PSIP1: variants seen among roughly 807,000 people sequenced by gnomAD.
PSIP1 encodes PC4 and SRSF1 interacting protein 1, also known as PC4 and SFRS1-interacting protein.
A neutral mutation model predicts 74.7 loss-of-function variants in PSIP1; 19 were observed. That is an observed-to-expected ratio of 0.25 (90% CI 0.18 to 0.37). The LOEUF (loss-of-function observed/expected upper bound fraction) is 0.37, where lower values mean the gene tolerates loss of function less well. Ranked by LOEUF, PSIP1 falls within the 10% of genes least tolerant of loss-of-function variation. PSIP1 has a pLI of 1.00. For missense variants in PSIP1, 601 were observed against 614.3 expected (o/e 0.98, Z 0.23); for synonymous variants, 222 against 195.3 (o/e 1.14, Z -1.14).
intron 3 of PSIP1, among the ~76,000 whole-genome samples, chr9:15,503,302 G>A (rs996521448): frequency 1.4e-4 from 22 of 152,132 alleles, no homozygotes; most frequent in African/African-American, 2.9e-4. Context: ...CAGAGGTGGA[G>A]GTTGCAATGA....
At chr9:15,467,119 A>G (rs1378022142) in intron 14 of PSIP1, among the ~76,000 whole-genome samples, 1 of 152,182 alleles carries the variant, frequency 6.6e-6, no homozygotes, top group Admixed American at 6.5e-5. Context: ...TTAACTATCT[A>G]TGAGTACAGG....
At chr9:15,509,374 T>C (rs2037744292) in intron 2 of PSIP1, among the ~76,000 whole-genome samples, 1 of 152,190 alleles carries the variant, frequency 6.6e-6, no homozygotes, top group Non-Finnish European at 1.5e-5. Context: ...CGTAGATCTT[T>C]AAACAGTCTC....
rs536153723 is a variant in PSIP1, at chr9:15,488,783, G to A, written c.288+1203C>T. Among the ~76,000 whole-genome samples the A allele has an allele frequency of 7.6e-3, 1,151 of 150,858 alleles. 9 individuals are homozygous for A. Among genetic ancestry groups the A allele is most frequent in the African/African-American group, 0.024 (1,002 of 41,090 alleles). ...AGGCCTGTAATCCCAACACTCTGGG[G>A]GGCCGAGGCGGGCGGATCACAAGGT... On this transcript the variant is annotated intron_variant, in intron 4 of 15. Coordinates refer to ENST00000380733, the MANE Select transcript of PSIP1 (RefSeq NM_033222.5).
At chr9:15,506,388 A>T (rs1046042934) in intron 3 of PSIP1, 173 bp downstream of exon 3, 5 of 442,736 alleles carry the variant, frequency 1.1e-5, no homozygotes, top group Non-Finnish European at 2.0e-5. Context: ...TAAAAAATAA[A>T]CCTATAGCAT....
intron 8 of PSIP1, among the ~76,000 whole-genome samples, chr9:15,478,228 T>C (rs893378125): frequency 6.6e-6 from 1 of 152,014 alleles, no homozygotes; most frequent in African/African-American, 2.4e-5. Context: ...TTATATATTT[T>C]ATGTTGTATT....
At chr9:15,471,063 G>A in intron 10 of PSIP1, 1 of 1,478,850 alleles carries the variant, frequency 6.8e-7, no homozygotes, top group Non-Finnish European at 8.9e-7. Flanking sequence ...TTAGAATCTG[G>A]AACATTCTTC....
At chr9:15,481,733 C>T (rs1442323027) in intron 6 of PSIP1, among the ~76,000 whole-genome samples, 1 of 151,954 alleles carries the variant, frequency 6.6e-6, no homozygotes, top group South Asian at 2.1e-4. Flanking sequence ...AAGGAGGTAC[C>T]AATAAGTGTA....
chr9:15,490,485 C>A (rs543617528), intron 3 of PSIP1, among the ~76,000 whole-genome samples: 2 of 151,918 alleles, frequency 1.3e-5, no homozygotes, highest in Non-Finnish European at 1.5e-5. Flanking sequence ...GAGTTTGAGA[C>A]CAGCCTGGCC....
At chr9:15,476,165 C>T (rs921558341) in intron 8 of PSIP1, among the ~76,000 whole-genome samples, 1 of 151,506 alleles carries the variant, frequency 6.6e-6, no homozygotes, top group African/African-American at 2.4e-5. Context: ...AGCTCACACT[C>T]AGCCTACGCA....
At chr9:15,481,289 G>C (rs978413316) in intron 6 of PSIP1, among the ~76,000 whole-genome samples, 1 of 152,182 alleles carries the variant, frequency 6.6e-6, no homozygotes, top group Admixed American at 6.5e-5. Context: ...GGAGTTAAGA[G>C]GGCATAATTT....
At chr9:15,474,555 A>G (rs1273570961) in intron 8 of PSIP1, among the ~76,000 whole-genome samples, 1 of 152,170 alleles carries the variant, frequency 6.6e-6, no homozygotes, top group Non-Finnish European at 1.5e-5. Context: ...TTAGAACTCA[A>G]ATATTCTTTG....
chr9:15,474,141 ATCT>A lies in PSIP1; in HGVS notation c.723_725del (p.Glu241del), dbSNP rs1563871043. ...TTTTATCCGGCTCTTTTCTTGGCTT[ATCT>A]TCTTCCTTCTGGCCCTCTTCATCCT... On this transcript the variant is annotated inframe_deletion, in exon 9 of 16. Transcript: ENST00000380733. 2 of 1,611,654 alleles carry A rather than the reference ATCT, an allele frequency of 1.2e-6. No individual in the cohort carries two copies. The highest frequency in any genetic ancestry group is 8.5e-7 in the Non-Finnish European group (1 of 1,178,710).
At chr9:15,472,393 C>G in intron 10 of PSIP1, 1 of 1,318,130 alleles carries the variant, frequency 7.6e-7, no homozygotes. Flanking sequence ...ATCCTATCTG[C>G]ACTTCGTTTA....
At chr9:15,468,880 CTAAT>C (rs769850443) in intron 13 of PSIP1, 37 bp from the exon 14 acceptor site, 101 of 1,604,538 alleles carry the variant, frequency 6.3e-5, no homozygotes, top group Middle Eastern at 1.7e-4. Context: ...AATTGTTTTC[CTAAT>C]TGATTTTTTA....
chr9:15,469,361 CAG>C (rs1424419032), intron 11 of PSIP1, 25 bp from the exon 12 acceptor site: 4 of 1,453,726 alleles, frequency 2.8e-6, no homozygotes, highest in East Asian at 2.3e-5. Context: ...ATGTGAAAAA[CAG>C]TGAACAGTTT....
chr9:15,486,917 T>C lies in PSIP1; in HGVS notation c.303A>G (p.Gln101=), dbSNP rs780911433. 1.2e-5 allele frequency: 20 copies of C among 1,609,110 alleles called. No homozygotes were observed. In the East Asian group the frequency reaches 1.8e-4, roughly 14 times the overall value. The change falls in exon 5 of 16, where the codon CAA becomes CAG. Residue 101 remains glutamine, a synonymous_variant. Coordinates refer to ENST00000380733, the MANE Select transcript of PSIP1 (RefSeq NM_033222.5). The part of the protein sequence containing the change: ...KFSSQQAATK[Q]SNASSDVEVE... ...CTTCAACATCAGATGATGCATTTGA[T>C]TGTTTAGTTGCTGCCTGTGAGCAAT...
chr9:15,481,656 C>T (rs2036341714), intron 6 of PSIP1, among the ~76,000 whole-genome samples: 1 of 152,094 alleles, frequency 6.6e-6, no homozygotes, highest in African/African-American at 2.4e-5. Flanking sequence ...CACACTCCAG[C>T]CTGGGCAACA....
At chr9:15,487,176 G>C (rs1330796681) in intron 4 of PSIP1, among the ~76,000 whole-genome samples, 1 of 150,684 alleles carries the variant, frequency 6.6e-6, no homozygotes, top group Non-Finnish European at 1.5e-5. Context: ...CCCCAGCCTG[G>C]GCAACGCAGT....
intron 8 of PSIP1, among the ~76,000 whole-genome samples, chr9:15,475,484 C>T (rs190722182): frequency 6.6e-6 from 1 of 152,152 alleles, no homozygotes; most frequent in Admixed American, 6.5e-5. Context: ...ATACAAATAC[C>T]ATTTGACCCA....
Sources: gnomAD v4.1 joint callset for allele counts (sites outside exome capture counted in the v4.1 genomes callset) on GRCh38, gnomAD v4.1.1 for gene constraint, MANE v1.5 for transcripts, NCBI Gene and HGNC (gene_info 2026-07-23, HGNC 2026-07-21) for gene names.